Variants in IL17RE observed in about 807,000 individuals in gnomAD.
IL17RE encodes the protein interleukin 17 receptor E, also known as interleukin-17 receptor E.
In IL17RE, 47 loss-of-function variants were observed where a neutral mutation model predicts 70.7. The observed-to-expected ratio is 0.67, with a 90% CI of 0.53 to 0.85. The LOEUF is 0.85. IL17RE is among the 40% of genes least tolerant of loss of function. The pLI is 0.00. For synonymous variants in IL17RE, 372 were observed against 381.2 expected, an observed-to-expected ratio of 0.98 and a Z score of 0.28; for missense variants, 850 against 893.9, an observed-to-expected ratio of 0.95 and a Z score of 0.63.
intron 8 of IL17RE, 146 bp downstream of exon 8, chr3:9,909,429 C>A: frequency 1.4e-6 from 1 of 733,124 alleles, no homozygotes; most frequent in Non-Finnish European, 2.3e-6. Context: ...CAGGTACTTT[C>A]CCTGGAGTCA....
rs747253259 is a variant in IL17RE at position 9,911,098 on chromosome 3, C to G, written c.979-29C>G. ...CAGGGCTGGGGCCCAGGAATTTTCT[C>G]CCTGATGAACTCTCCTCTCCTCCCA... On this transcript the variant is annotated intron_variant, in intron 9 of 15. Coordinates refer to ENST00000383814, the MANE Select transcript of IL17RE (RefSeq NM_153480.2). 7 of 1,614,042 alleles carry G rather than the reference C, an allele frequency of 4.3e-6. No individual in the cohort carries two copies. In the Admixed American group the frequency reaches 1.0e-4, roughly 23 times the overall value.
chr3:9,903,444 C>T, intron 2 of IL17RE, 32 bp downstream of exon 2: 2 of 1,613,086 alleles, frequency 1.2e-6, no homozygotes, highest in Non-Finnish European at 1.7e-6. Flanking sequence ...ATTGCTCCTC[C>T]CCACGCCCAC....
rs2083068187 is a variant in IL17RE, at chr3:9,916,270, T to C, written c.*463T>C. The C allele has an allele frequency of 1.6e-5, 2 of 124,576 alleles. No homozygotes were observed. Among genetic ancestry groups the C allele is most frequent in the Non-Finnish European group, 1.6e-5 (1 of 63,886 alleles). 7.7% of individuals were successfully genotyped at this position (124,576 alleles called of 1,614,324 possible). ...CTCTGGCCAGAGGGAGAGAGGACTCTGGACCTAGGAAAAGAGGCTTTTGGC... is the reference window on the plus strand; with the variant it reads ...CTCTGGCCAGAGGGAGAGAGGACTCCGGACCTAGGAAAAGAGGCTTTTGGC... On this transcript the variant is annotated 3_prime_UTR_variant, in exon 16 of 16. Coordinates refer to ENST00000383814, the MANE Select transcript of IL17RE (RefSeq NM_153480.2).
rs529703818 is a variant in IL17RE at position 9,903,084 on chromosome 3, T to C, written c.132+20T>C. The C allele has an allele frequency of 4.2e-5, 66 of 1,586,674 alleles. No homozygotes were observed. In the Middle Eastern group the frequency reaches 1.8e-3, roughly 44 times the overall value. The stretch of plus-strand genomic sequence containing the variant: ...CACACGGTAAGGTGCTGCTGCCAGG[T>C]AGGGACACCTGCCTGGCACAGCCAT... On this transcript the variant is annotated intron_variant, in intron 1 of 15. Coordinates refer to ENST00000383814, the MANE Select transcript of IL17RE (RefSeq NM_153480.2).
Position 9,909,234 on chromosome 3 carries a change from G to A in IL17RE, c.753G>A (p.Glu251=), listed in dbSNP as rs2082831450. Reference sequence around the variant, plus strand: ...CTCTCCAGGCATCCTACCTGCAAGAGGACACTGTGAGGCGCAAAAAATGTC... The same window carrying A: ...CTCTCCAGGCATCCTACCTGCAAGAAGACACTGTGAGGCGCAAAAAATGTC... ...CLCIEASYLQ[E]DTVRRKKCPF... is the part of the protein sequence containing the mutation. Residue 251 remains glutamate, a synonymous_variant, in exon 8 of 16, where the codon GAG becomes GAA. Coordinates refer to ENST00000383814, the MANE Select transcript of IL17RE (RefSeq NM_153480.2). 6.2e-7 allele frequency: 1 copy of A among 1,614,018 alleles called. No individual in the cohort carries two copies. The highest frequency in any genetic ancestry group is 8.5e-7 in the Non-Finnish European group (1 of 1,179,980).
chr3:9,911,065 A>C, intron 9 of IL17RE, 25 bp downstream of exon 9: 1 of 1,610,478 alleles, frequency 6.2e-7, no homozygotes, highest in Non-Finnish European at 8.5e-7. Context: ...CCCCAGGACC[A>C]GGGTGGGCAG....
chr3:9,909,332 TTCTGTC>T lies in IL17RE; in HGVS notation c.802+52_802+57del, dbSNP rs769704815. ...TTGTGCACACACATCCCCTTTCTCT[TTCTGTC>T]TCCTACACACACATGTACACACACA... is the stretch of plus-strand genomic sequence containing the variant. On this transcript the variant is annotated intron_variant, in intron 8 of 15. Coordinates refer to ENST00000383814, the MANE Select transcript of IL17RE (RefSeq NM_153480.2). 1.0e-3 allele frequency: 1,468 copies of T among 1,450,504 alleles called. 2 individuals are homozygous for T. Among genetic ancestry groups the T allele is most frequent in the Non-Finnish European group, 1.3e-3 (1,332 of 1,036,300 alleles). The allele number at this position is 1,450,504 out of a possible 1,614,324, so 89.9% of individuals were successfully genotyped here.
chr3:9,912,846 G>T lies in IL17RE; in HGVS notation c.1228-1110G>T, dbSNP rs578010981. Among the ~76,000 whole-genome samples, 7 of 152,026 alleles carry T rather than the reference G, an allele frequency of 4.6e-5. No homozygotes were observed. In the South Asian group the frequency reaches 1.5e-3, roughly 32 times the overall value. On this transcript the variant is annotated intron_variant, in intron 12 of 15. Transcript: ENST00000383814. ...ATCATGCCACAGCACTCCAGCCTGG[G>T]TGACAGCATAAGACTCTGACTCTAA...
At chr3:9,904,227 A>G in intron 3 of IL17RE, 76 bp downstream of exon 3, 2 of 1,519,832 alleles carry the variant, frequency 1.3e-6, no homozygotes, top group South Asian at 2.3e-5. Context: ...AGCAAGTGGG[A>G]CTTACTAGAA....
At chr3:9,911,367 G>T in intron 11 of IL17RE, 67 bp downstream of exon 11, 1 of 1,613,158 alleles carries the variant, frequency 6.2e-7, no homozygotes, top group South Asian at 1.1e-5. Flanking sequence ...CTGTAACCAA[G>T]CTAAACCCCA....
At chr3:9,908,546 C>A (rs1195642502) in intron 7 of IL17RE, among the ~76,000 whole-genome samples, 6 of 152,218 alleles carry the variant, frequency 3.9e-5, no homozygotes, top group Non-Finnish European at 8.8e-5. Flanking sequence ...CCAAACCCAT[C>A]TTTCCCTGGC....
Position 9,906,463 on chromosome 3 carries a change from T to C in IL17RE, c.366+2T>C, listed in dbSNP as rs1371188697. 6.2e-7 allele frequency: 1 copy of C among 1,605,038 alleles called. No homozygotes were observed. On this transcript the variant is annotated splice_donor_variant, in intron 4 of 15. Transcript: ENST00000383814. LOFTEE classifies it high-confidence loss of function. ...CACAAGATGCCAGCACCTGCTCAGG[T>C]ACTCTCCCTGTCAGTTCCAGCCCTA...
chr3:9,906,263 T>TAAATA (rs1553569005), intron 3 of IL17RE, 101 bp from the exon 4 acceptor site: 3 of 504,712 alleles, frequency 5.9e-6, no homozygotes, highest in South Asian at 7.9e-5. Context: ...AATAAATAAA[T>TAAATA]AAATAAAATA....
intron 3 of IL17RE, among the ~76,000 whole-genome samples, chr3:9,905,574 A>G (rs573616609): frequency 1.9e-4 from 29 of 152,136 alleles, no homozygotes; most frequent in African/African-American, 6.5e-4. Context: ...TAATCCCAGC[A>G]CTTTGGGAGG....
At chr3:9,914,521 T>C (rs202102312) in intron 13 of IL17RE, 27 bp from the exon 14 acceptor site, 150 of 1,612,910 alleles carry the variant, frequency 9.3e-5, no homozygotes, top group Admixed American at 6.7e-5. Context: ...GCCTGGCTCA[T>C]AGGGGTGGGG....
upstream of IL17RE, chr3:9,902,622 G>A (rs1575473620): frequency 6.5e-7 from 1 of 1,536,116 alleles, no homozygotes; most frequent in East Asian, 2.4e-5. Flanking sequence ...AGAAATGGGT[G>A]CGTCCCCCAA....
rs1255953432 is a variant in IL17RE, at chr3:9,904,135, G to A, written c.252G>A (p.Leu84=). Residue 84 remains leucine, a synonymous_variant, in exon 3 of 16, where the codon CTG becomes CTA. Coordinates refer to ENST00000383814, the MANE Select transcript of IL17RE (RefSeq NM_153480.2). ...GTTCCCGCTGTTTGTGCCAGCATCT[G>A]CTGTCAGGTGGCTCAGGTATGAGAA... ...WHCSRCLCQH[L]LSGGSGLQRG... 3.1e-6 allele frequency: 5 copies of A among 1,614,006 alleles called. No individual in the cohort carries two copies. Among genetic ancestry groups the A allele is most frequent in the East Asian group, 4.5e-5 (2 of 44,882 alleles).
At chr3:9,903,955 G>A in intron 2 of IL17RE, 77 bp from the exon 3 acceptor site, 2 of 1,560,178 alleles carry the variant, frequency 1.3e-6, no homozygotes, top group South Asian at 2.2e-5. Flanking sequence ...ACAGAGCTTG[G>A]CCTCAAATCC....
chr3:9,912,380 C>T (rs952966688), intron 12 of IL17RE, among the ~76,000 whole-genome samples: 1 of 152,176 alleles, frequency 6.6e-6, no homozygotes, highest in African/African-American at 2.4e-5. Flanking sequence ...CAGCTGTCCG[C>T]TACCACTACT....
Sources: gnomAD v4.1 joint callset for allele counts (sites outside exome capture counted in the v4.1 genomes callset) on GRCh38, gnomAD v4.1.1 for gene constraint, MANE v1.5 for transcripts, NCBI Gene and HGNC (gene_info 2026-07-23, HGNC 2026-07-21) for gene names.